The following BRMS1 variants were observed in gnomAD, a reference collection of about 807,000 sequenced individuals.
BRMS1 encodes BRMS1 transcriptional repressor and anoikis regulator.
Under a neutral mutation model 40.4 loss-of-function variants are expected in BRMS1, and 26 were observed. The observed-to-expected ratio is 0.64, with a 90% CI of 0.47 to 0.89. The LOEUF is 0.89. Among genes scored for constraint, BRMS1 ranks in the 40% least tolerant of loss-of-function variants. The probability of loss-of-function intolerance (pLI) is 0.00; values close to 1 mark genes in which losing one functional copy is unlikely to be tolerated. For synonymous variants in BRMS1, 103 were observed against 116.0 expected (o/e 0.89, Z 0.72); for missense variants, 289 against 309.4 (o/e 0.93, Z 0.49).
At position 66,341,494 on chromosome 11, in the gene BRMS1, G is replaced by T; in HGVS notation, c.230+39C>A. ...CCAGGCCCACCACCTCCTCATCCCAGATCCTCGCAGACCCAGCCCAAGGTG... is the reference window on the plus strand; with the variant it reads ...CCAGGCCCACCACCTCCTCATCCCATATCCTCGCAGACCCAGCCCAAGGTG... On this transcript the variant is annotated intron_variant, in intron 3 of 9. Coordinates refer to ENST00000359957, the MANE Select transcript of BRMS1 (RefSeq NM_015399.4). This position sits in a 1 kb window ranked among gnomAD's most constrained non-coding sequence, Gnocchi z 4.9. 1 of 1,609,668 alleles carries T rather than the reference G, an allele frequency of 6.2e-7. No individual in the cohort carries two copies.
chr11:66,342,901 A>C (rs1855118737), intron 1 of BRMS1, among the ~76,000 whole-genome samples: 1 of 152,102 alleles, frequency 6.6e-6, no homozygotes, highest in African/African-American at 2.4e-5. Flanking sequence ...CTTCCAGATA[A>C]TGTTACAATC....
At chr11:66,344,867 T>G (rs993266319) in intron 1 of BRMS1, 105 bp downstream of exon 1, 1 of 152,204 alleles carries the variant, frequency 6.6e-6, no homozygotes, top group South Asian at 2.1e-4. Flanking sequence ...CCAGCACGCG[T>G]CAGGCCGGTT....
In BRMS1 at chr11:66,340,133, G is replaced by A. The variant is rs369071599; in HGVS notation, c.616C>T (p.Pro206Ser). The A allele has an allele frequency of 3.7e-6, 6 of 1,613,406 alleles. No individual in the cohort carries two copies. In the African/African-American group the frequency reaches 6.7e-5, roughly 18 times the overall value. The stretch of plus-strand genomic sequence containing the variant: ...GGTGAAAGGATACCAGAAACCAGAG[G>A]TGCCTTCTTCCTCTTGCTGGGCGGC... Reference protein sequence around the residue: ...SLPPSKRKKAPLVSGPYIVYM... With the variant: ...SLPPSKRKKASLVSGPYIVYM... The change falls in exon 7 of 10, where the codon CCT becomes TCT. Residue 206 changes from proline to serine, a missense_variant. By Grantham distance (74) the Pro-to-Ser change is moderately conservative. Transcript: ENST00000359957.
At position 66,337,819 on chromosome 11, in the gene BRMS1, A is replaced by G. The variant is rs748872632; in HGVS notation, c.*63T>C. On this transcript the variant is annotated 3_prime_UTR_variant, in exon 10 of 10. Coordinates refer to ENST00000359957, the MANE Select transcript of BRMS1 (RefSeq NM_015399.4). ...GTGGGTCCGCCTGTCTGCAGGAGGA[A>G]GACGAGAATCCTGGGTGCAGTGCCA... 5.0e-6 allele frequency: 8 copies of G among 1,614,198 alleles called. No individual in the cohort carries two copies. The highest frequency in any genetic ancestry group is 6.8e-6 in the Non-Finnish European group (8 of 1,180,022).
intron 1 of BRMS1, among the ~76,000 whole-genome samples, chr11:66,343,198 G>C (rs1034526981): frequency 6.6e-6 from 1 of 152,288 alleles, no homozygotes; most frequent in African/African-American, 2.4e-5. Context: ...CCACTTGTTC[G>C]ATGTCCTCAA....
At chr11:66,338,852 A>G (rs925545522) in intron 7 of BRMS1, 67 bp from the exon 8 acceptor site, 50 of 1,448,656 alleles carry the variant, frequency 3.5e-5, no homozygotes, top group Non-Finnish European at 4.7e-5. Context: ...CCCACCTGAC[A>G]TTCAGGAGTG....
At position 66,337,900 on chromosome 11, in the gene BRMS1, G is replaced by T. The variant is rs753375711; in HGVS notation, c.734-11C>A. ...AGCAGGGTCAAGGTCCTGTGCATAT[G>T]TGGGAAGAAGAAAACTGTCACCAGT... is the stretch of plus-strand genomic sequence containing the variant. On this transcript the variant is annotated splice_polypyrimidine_tract_variant and intron_variant, in intron 9 of 9. Coordinates refer to ENST00000359957, the MANE Select transcript of BRMS1 (RefSeq NM_015399.4). 4 of 1,603,716 alleles carry T rather than the reference G, an allele frequency of 2.5e-6. No individual in the cohort carries two copies. In the East Asian group the frequency reaches 9.0e-5, roughly 36 times the overall value.
chr11:66,340,110 T>C lies in BRMS1; in HGVS notation c.628+11A>G, dbSNP rs763075505. 6 of 1,612,550 alleles carry C rather than the reference T, an allele frequency of 3.7e-6. No homozygotes were observed. In the African/African-American group the frequency reaches 6.7e-5, roughly 18 times the overall value. ...CTGCCCACTTTTAGGCCACCTTGGG[T>C]GAAAGGATACCAGAAACCAGAGGTG... is the stretch of plus-strand genomic sequence containing the variant. On this transcript the variant is annotated intron_variant, in intron 7 of 9. Coordinates refer to ENST00000359957, the MANE Select transcript of BRMS1 (RefSeq NM_015399.4).
intron 1 of BRMS1, among the ~76,000 whole-genome samples, chr11:66,343,850 G>A (rs990479292): frequency 2.0e-5 from 1 of 50,714 alleles, no homozygotes; most frequent in Non-Finnish European, 4.2e-5. Flanking sequence ...GGCAAAACCC[G>A]AAGTGGTGGA....
At chr11:66,343,908 T>C (rs1374026859) in intron 1 of BRMS1, among the ~76,000 whole-genome samples, 3 of 152,204 alleles carry the variant, frequency 2.0e-5, no homozygotes, top group African/African-American at 7.2e-5. Context: ...GTAATTGCAC[T>C]GATAGTGCCA....
intron 7 of BRMS1, 130 bp from the exon 8 acceptor site, chr11:66,338,915 G>C: frequency 1.1e-6 from 1 of 896,362 alleles, no homozygotes; most frequent in Non-Finnish European, 1.7e-6. Flanking sequence ...TCCGAGGTCA[G>C]GTTCCACCTC....
rs763294642 is a variant in BRMS1, at chr11:66,342,141, CCTCA to C, written c.90_93del (p.Ser30ArgfsTer37). 2.3e-5 allele frequency: 37 copies of C among 1,613,896 alleles called. No homozygotes were observed. The highest frequency in any genetic ancestry group is 3.0e-5 in the Non-Finnish European group (35 of 1,180,006). ...TCTGTCTGGCTGCCGCTCCGCTCCT[CCTCA>C]CTCTCTTCCTCCTCCCCATTCATCT... On this transcript the variant is annotated frameshift_variant, in exon 2 of 10. Transcript: ENST00000359957. LOFTEE classifies it high-confidence loss of function.
rs1370814048 is a variant in BRMS1, at chr11:66,341,788, T to C, written c.140-165A>G. Among the ~76,000 whole-genome samples, 4 of 150,300 alleles carry C rather than the reference T, an allele frequency of 2.7e-5. No individual in the cohort carries two copies. Among genetic ancestry groups the C allele is most frequent in the African/African-American group, 9.8e-5 (4 of 40,716 alleles). ...TGAAGGGGCTGTGTGTGTGCGTGTG[T>C]GCTTGTGTGTAGGGGCTGTGTGTGC... On this transcript the variant is annotated intron_variant, in intron 2 of 9. Transcript: ENST00000359957. The surrounding 1 kb of genome is among the most constrained non-coding windows in gnomAD (Gnocchi z 4.9).
intron 7 of BRMS1, 28 bp from the exon 8 acceptor site, chr11:66,338,813 G>A (rs760029317): frequency 1.6e-5 from 25 of 1,519,508 alleles, no homozygotes; most frequent in Non-Finnish European, 2.2e-5. Flanking sequence ...GAAGCCTAGT[G>A]GAGGTGGCAG....
chr11:66,342,243 T>A lies in BRMS1; in HGVS notation c.-7-2A>T. On this transcript the variant is annotated splice_acceptor_variant, in intron 1 of 9. Coordinates refer to ENST00000359957, the MANE Select transcript of BRMS1 (RefSeq NM_015399.4). LOFTEE classifies it low-confidence loss of function (5UTR_SPLICE). ...GGAGGCTGGACAGGCATCTGGACTC[T>A]GGGAGAAGGAATGGAGCTATCACTT... The A allele has an allele frequency of 6.2e-7, 1 of 1,612,344 alleles. No individual in the cohort carries two copies. The highest frequency in any genetic ancestry group is 8.5e-7 in the Non-Finnish European group (1 of 1,179,956).
chr11:66,340,143 C>T lies in BRMS1; in HGVS notation c.606G>A (p.Arg202=). Residue 202 remains arginine (R), a synonymous_variant, in exon 7 of 10, where the codon AGG becomes AGA. Coordinates refer to ENST00000359957, the MANE Select transcript of BRMS1 (RefSeq NM_015399.4). ...RSWDSLPPSK[R]KKAPLVSGPY... Reference sequence around the variant, plus strand: ...TACCAGAAACCAGAGGTGCCTTCTTCCTCTTGCTGGGCGGCAGGGAGTCCC... The same window carrying T: ...TACCAGAAACCAGAGGTGCCTTCTTTCTCTTGCTGGGCGGCAGGGAGTCCC... The T allele has an allele frequency of 1.2e-6, 2 of 1,613,760 alleles. No individual in the cohort carries two copies. The highest frequency in any genetic ancestry group is 2.2e-5 in the South Asian group (2 of 91,044).
rs1854976557 is a variant in BRMS1 at position 66,338,231 on chromosome 11, C to T, written c.733+12G>A. The stretch of plus-strand genomic sequence containing the variant: ...GGGGCAGGGAAGGCCATGCAACAGC[C>T]ATGGTTCTTACCATCCGATTTTCTC... On this transcript the variant is annotated intron_variant, in intron 9 of 9. Transcript: ENST00000359957. The T allele has an allele frequency of 3.1e-6, 5 of 1,610,698 alleles. No individual in the cohort carries two copies. The South Asian group carries it at 5.5e-5, about 18-fold the overall frequency.
Position 66,341,940 on chromosome 11 carries a change from G to GTGTGTGCGCT in BRMS1, c.139+146_139+155dup. 1 of 818,236 alleles carries GTGTGTGCGCT rather than the reference G, an allele frequency of 1.2e-6. No individual in the cohort carries two copies. Among genetic ancestry groups the GTGTGTGCGCT allele is most frequent in the East Asian group, 2.7e-5 (1 of 37,302 alleles). The allele number at this position is 818,236 out of a possible 1,614,324, so 50.7% of individuals were successfully genotyped here. Reference sequence around the variant, plus strand: ...GCTTGTGTGTAGGGGCTGTGTGTGCGTGTGTGCGCTTGTGTGCAGGGTCTG... The same window carrying GTGTGTGCGCT: ...GCTTGTGTGTAGGGGCTGTGTGTGCGTGTGTGCGCTTGTGTGCGCTTGTGTGCAGGGTCTG... On this transcript the variant is annotated intron_variant, in intron 2 of 9. Transcript: ENST00000359957. This position sits in a 1 kb window ranked among gnomAD's most constrained non-coding sequence, Gnocchi z 4.9.
In BRMS1 at chr11:66,342,066, G is replaced by C. The variant is rs374942958; in HGVS notation, c.139+30C>G. On this transcript the variant is annotated intron_variant, in intron 2 of 9. Coordinates refer to ENST00000359957, the MANE Select transcript of BRMS1 (RefSeq NM_015399.4). ...GTGTGTGTAGGGGCTCTGTGTGTGTGTGTGTGTGTCTGTGTGTGTAGGGGC... is the reference window on the plus strand; with the variant it reads ...GTGTGTGTAGGGGCTCTGTGTGTGTCTGTGTGTGTCTGTGTGTGTAGGGGC... 4.7e-5 allele frequency: 75 copies of C among 1,605,390 alleles called. No individual in the cohort carries two copies. The African/African-American group carries it at 9.5e-4, about 20-fold the overall frequency.
Sources: gnomAD v4.1 joint callset for allele counts (sites outside exome capture counted in the v4.1 genomes callset) on GRCh38, gnomAD v4.1.1 for gene constraint, Gnocchi (gnomAD v3.1) non-coding constraint, MANE v1.5 for transcripts, NCBI Gene and HGNC (gene_info 2026-07-23, HGNC 2026-07-21) for gene names.